The following TNPO3 variants were observed in gnomAD, a reference collection of about 807,000 sequenced individuals.
TNPO3 encodes transportin-3.
In TNPO3, 65 loss-of-function variants were observed where a neutral mutation model predicts 122.8. The ratio of observed to expected loss-of-function variants is 0.53; its 90% confidence interval spans 0.43 to 0.65. The LOEUF is 0.65. Among genes scored for constraint, TNPO3 ranks in the 30% least tolerant of loss-of-function variants. The pLI, the probability that TNPO3 is intolerant of heterozygous loss-of-function variation, is 0.00. For synonymous variants in TNPO3, 372 were observed against 411.2 expected, an observed-to-expected ratio of 0.90 and a Z score of 1.15; for missense variants, 850 against 1,136.7, an observed-to-expected ratio of 0.75 and a Z score of 3.63.
At chr7:128,972,256 A>C (rs1221109688) in intron 19 of TNPO3, among the ~76,000 whole-genome samples, 170 bp downstream of exon 19, 1 of 152,254 alleles carries the variant, frequency 6.6e-6, no homozygotes, top group African/African-American at 2.4e-5. Context: ...TAAAGCACCC[A>C]GCACAAGTGT....
At chr7:129,030,331 A>G in intron 1 of TNPO3, 1 of 243,460 alleles carries the variant, frequency 4.1e-6, no homozygotes, top group Non-Finnish European at 8.1e-6. Flanking sequence ...TGTTGCTGCT[A>G]CTTGTACTTT....
chr7:128,979,146 C>G lies in TNPO3; in HGVS notation c.1921-23G>C, dbSNP rs756924097. 2.5e-6 allele frequency: 4 copies of G among 1,611,944 alleles called. No individual in the cohort carries two copies. The Admixed American group carries it at 6.7e-5, about 27-fold the overall frequency. On this transcript the variant is annotated intron_variant, in intron 15 of 22. Coordinates refer to ENST00000265388, the MANE Select transcript of TNPO3 (RefSeq NM_012470.4). ...TATCTGGGTCAAAAGTAAAAGAGCACAAGAAAGAAAATAATCAACAACTAG... is the reference window on the plus strand; with the variant it reads ...TATCTGGGTCAAAAGTAAAAGAGCAGAAGAAAGAAAATAATCAACAACTAG...
Position 128,967,302 on chromosome 7 carries a change from C to G in TNPO3, c.2689G>C (p.Asp897His), listed in dbSNP as rs766536933. ...AVTVTHKQLT[D>H]FHKQVTSAEE... ...CACCTAGTGACTTGCTTGTGGAAGT[C>G]TGTAAGTTGTTTGTGTGTCACTGTG... The change falls in exon 21 of 23, where the codon GAC becomes CAC. Residue 897 changes from aspartate (D) to histidine (H), a missense_variant. Physicochemically the swap from Asp to His is moderately conservative, Grantham distance 81 (BLOSUM62 -1). Transcript: ENST00000265388. 1 of 1,613,310 alleles carries G rather than the reference C, an allele frequency of 6.2e-7. No homozygotes were observed. The highest frequency in any genetic ancestry group is 8.5e-7 in the Non-Finnish European group (1 of 1,179,260).
chr7:128,989,898 G>T, intron 11 of TNPO3, 63 bp downstream of exon 11: 1 of 1,572,942 alleles, frequency 6.4e-7, no homozygotes, highest in Non-Finnish European at 8.7e-7. Flanking sequence ...AAAAGTAAGA[G>T]ATGAGAAGAA....
At chr7:128,986,361 G>GTA (rs1018413618) in intron 12 of TNPO3, among the ~76,000 whole-genome samples, 1 of 152,154 alleles carries the variant, frequency 6.6e-6, no homozygotes, top group African/African-American at 2.4e-5. Flanking sequence ...ACTGATCCAT[G>GTA]TATACTACCT....
chr7:129,016,138 C>G (rs1218955883), intron 3 of TNPO3, among the ~76,000 whole-genome samples: 2 of 152,034 alleles, frequency 1.3e-5, no homozygotes, highest in African/African-American at 2.4e-5. Flanking sequence ...TGAGGTGGCT[C>G]ACGCCTGTAA....
chr7:128,967,683 T>C (rs1453403230), intron 20 of TNPO3, among the ~76,000 whole-genome samples: 1 of 152,230 alleles, frequency 6.6e-6, no homozygotes, highest in Non-Finnish European at 1.5e-5. Flanking sequence ...GAGGCTATTG[T>C]TTTGTTCCTG....
chr7:129,000,414 T>A lies in TNPO3; in HGVS notation c.1011+15A>T, dbSNP rs373745582. 1 of 1,589,528 alleles carries A rather than the reference T, an allele frequency of 6.3e-7. No homozygotes were observed. The highest frequency in any genetic ancestry group is 1.3e-5 in the African/African-American group (1 of 74,096). On this transcript the variant is annotated intron_variant, in intron 7 of 22. Coordinates refer to ENST00000265388, the MANE Select transcript of TNPO3 (RefSeq NM_012470.4). ...AACTTGGAGAATAATGGCCTTTGAA[T>A]AGCATAAACACTACCTCATATTGAG...
chr7:129,054,582 CT>C (rs1192424262), intron 1 of TNPO3, 68 bp downstream of exon 1: 8 of 1,594,026 alleles, frequency 5.0e-6, no homozygotes, highest in Non-Finnish European at 6.8e-6. Flanking sequence ...GGCTCAGGTT[CT>C]CCCCCGGAGC....
intron 1 of TNPO3, among the ~76,000 whole-genome samples, chr7:129,049,700 T>C (rs1480076449): frequency 6.6e-6 from 1 of 151,080 alleles, no homozygotes; most frequent in African/African-American, 2.4e-5. Context: ...ACAAAGAAAA[T>C]GGAAACAGGT....
intron 4 of TNPO3, among the ~76,000 whole-genome samples, chr7:129,009,690 G>A (rs190530240): frequency 6.6e-6 from 1 of 152,286 alleles, no homozygotes; most frequent in East Asian, 1.9e-4. Flanking sequence ...AAATTCACAA[G>A]TGCTTACAAA....
intron 4 of TNPO3, among the ~76,000 whole-genome samples, chr7:129,008,278 A>G (rs1342711365): frequency 6.6e-6 from 1 of 152,080 alleles, no homozygotes; most frequent in Non-Finnish European, 1.5e-5. Context: ...GCACTTTGGG[A>G]GGCTGAGGTG....
chr7:128,970,072 T>C (rs1426229175), intron 20 of TNPO3, 76 bp downstream of exon 20: 1 of 1,577,598 alleles, frequency 6.3e-7, no homozygotes, highest in African/African-American at 1.3e-5. Context: ...GTTTCAAAAT[T>C]AGGGTTGGCC....
At position 129,006,705 on chromosome 7, in the gene TNPO3, T is replaced by G. The variant is rs572040323; in HGVS notation, c.553-1546A>C. On this transcript the variant is annotated intron_variant, in intron 4 of 22. Coordinates refer to ENST00000265388, the MANE Select transcript of TNPO3 (RefSeq NM_012470.4). Reference sequence around the variant, plus strand: ...GATATTTGTGGTTACAATGCAGATATAAACTACACAGGAAAATTTCCCAAG... The same window carrying G: ...GATATTTGTGGTTACAATGCAGATAGAAACTACACAGGAAAATTTCCCAAG... Among the ~76,000 whole-genome samples the G allele has an allele frequency of 3.4e-4, 52 of 152,324 alleles. No individual in the cohort carries two copies. The South Asian group carries it at 3.5e-3, about 10-fold the overall frequency.
intron 4 of TNPO3, among the ~76,000 whole-genome samples, chr7:129,005,685 T>A (rs1286180183): frequency 1.3e-5 from 2 of 151,764 alleles, no homozygotes; most frequent in Non-Finnish European, 2.9e-5. Flanking sequence ...TCCTGAGGCC[T>A]CCCTAGAAGC....
rs531750695 is a variant in TNPO3, at chr7:128,991,401, C to T, written c.1358+598G>A. 7.9e-5 allele frequency among the ~76,000 whole-genome samples: 12 copies of T among 152,270 alleles called. No individual in the cohort carries two copies. The East Asian group carries it at 1.9e-3, about 24-fold the overall frequency. On this transcript the variant is annotated intron_variant, in intron 10 of 22. Transcript: ENST00000265388. ...AATTCAGCGTGGCAGATATTAACAT[C>T]GATTTATATACTCATGGCACAAAGT...
chr7:129,044,821 G>A (rs1360757610), intron 1 of TNPO3, among the ~76,000 whole-genome samples: 1 of 152,028 alleles, frequency 6.6e-6, no homozygotes, highest in Non-Finnish European at 1.5e-5. Context: ...AATAAATATA[G>A]AATTACCATA....
At chr7:129,019,813 G>A (rs1157895907) in intron 1 of TNPO3, among the ~76,000 whole-genome samples, 3 of 152,038 alleles carry the variant, frequency 2.0e-5, no homozygotes, top group Non-Finnish European at 4.4e-5. Context: ...GGCCAACATG[G>A]TGAAACCCGG....
chr7:129,032,218 C>T (rs1003143480), intron 1 of TNPO3, among the ~76,000 whole-genome samples: 1 of 152,110 alleles, frequency 6.6e-6, no homozygotes, highest in African/African-American at 2.4e-5. Flanking sequence ...GTAATAAATG[C>T]CATATATGCA....
Sources: gnomAD v4.1 joint callset for allele counts (sites outside exome capture counted in the v4.1 genomes callset) on GRCh38, gnomAD v4.1.1 for gene constraint, MANE v1.5 for transcripts, NCBI Gene and HGNC (gene_info 2026-07-23, HGNC 2026-07-21) for gene names.